Variants in PIK3C2A observed in about 807,000 individuals in gnomAD.
PIK3C2A encodes the protein phosphatidylinositol-4-phosphate 3-kinase catalytic subunit type 2 alpha.
PIK3C2A carries 97 observed loss-of-function variants against 204.5 expected under a neutral mutation model. That is an observed-to-expected ratio of 0.47 (90% CI 0.40 to 0.56). PIK3C2A has a LOEUF of 0.56. Among genes scored for constraint, PIK3C2A ranks in the 20% least tolerant of loss-of-function variants. The pLI is 0.00. For missense variants in PIK3C2A, 1,735 were observed against 1,969.2 expected (o/e 0.88, Z 2.25); for synonymous variants, 653 against 664.4 (o/e 0.98, Z 0.26).
At chr11:17,154,563 T>C (rs1475782630) in intron 3 of PIK3C2A, among the ~76,000 whole-genome samples, 2 of 152,224 alleles carry the variant, frequency 1.3e-5, no homozygotes, top group Admixed American at 6.5e-5. Flanking sequence ...TTCCCTTTTT[T>C]AGATAACAGA....
chr11:17,201,410 C>T (rs960977806), intron 1 of PIK3C2A, among the ~76,000 whole-genome samples: 1 of 150,920 alleles, frequency 6.6e-6, no homozygotes, highest in African/African-American at 2.4e-5. Context: ...GCCTGTAATC[C>T]CAGCTACTTG....
At chr11:17,115,629 A>G (rs1270242268) in intron 19 of PIK3C2A, 4 of 152,124 alleles carry the variant, frequency 2.6e-5, no homozygotes, top group Admixed American at 1.3e-4. Flanking sequence ...AAAAACCCAT[A>G]TATGTGGTCA....
intron 1 of PIK3C2A, among the ~76,000 whole-genome samples, chr11:17,178,679 C>T (rs995798672): frequency 8.7e-5 from 13 of 149,008 alleles, no homozygotes; most frequent in African/African-American, 3.0e-4. Context: ...GCTGGGATTA[C>T]AGGCGCTAGC....
intron 8 of PIK3C2A, chr11:17,141,226 C>T (rs1381597366): frequency 6.6e-6 from 1 of 151,680 alleles, no homozygotes; most frequent in Non-Finnish European, 1.5e-5. Flanking sequence ...AAAGCCCCAC[C>T]TTCTGCCTTT....
chr11:17,180,463 AT>A (rs1851499718), intron 1 of PIK3C2A, among the ~76,000 whole-genome samples: 1 of 151,978 alleles, frequency 6.6e-6, no homozygotes, highest in Admixed American at 6.6e-5. Flanking sequence ...CAAAGAGCTA[AT>A]CTTTCTAATA....
chr11:17,180,518 C>CCA (rs1555035613), intron 1 of PIK3C2A, among the ~76,000 whole-genome samples: 4 of 115,418 alleles, frequency 3.5e-5, no homozygotes, highest in Non-Finnish European at 7.2e-5. Flanking sequence ...ACAACAACAA[C>CCA]AACAAAAAAC....
intron 27 of PIK3C2A, among the ~76,000 whole-genome samples, chr11:17,094,918 G>A (rs1383137816): frequency 6.6e-6 from 1 of 152,086 alleles, no homozygotes; most frequent in African/African-American, 2.4e-5. Context: ...TACATTTTAA[G>A]AGTGATCATA....
At position 17,169,104 on chromosome 11, in the gene PIK3C2A, G is replaced by A. The variant is rs772021666; in HGVS notation, c.638C>T (p.Pro213Leu). 6 of 1,614,190 alleles carry A rather than the reference G, an allele frequency of 3.7e-6. No homozygotes were observed. The highest frequency in any genetic ancestry group is 5.1e-6 in the Non-Finnish European group (6 of 1,180,026). ...AGTACTGACTACTGGACGATAGATA[G>A]GTAAGCTTCCTTGTGGATGAAAGGG... ...ATPFHPQGSLPIYRPVVSTDM... is the reference protein window; with the variant it reads ...ATPFHPQGSLLIYRPVVSTDM... Residue 213 changes from proline (P) to leucine (L), a missense_variant, in exon 2 of 33, where the codon CCT (proline) becomes CTT (leucine). Transcript: ENST00000691414.
At chr11:17,178,109 A>G (rs980461096) in intron 1 of PIK3C2A, among the ~76,000 whole-genome samples, 155 of 70,924 alleles carry the variant, frequency 2.2e-3, no homozygotes, top group Middle Eastern at 6.4e-3. Flanking sequence ...AAAAAAAAAA[A>G]AAAGAAAAAA....
chr11:17,131,578 C>T lies in PIK3C2A; in HGVS notation c.2231+338G>A, dbSNP rs777848112. ...CTGGGACCACAGGCGCCCGCCACCA[C>T]GCCCGGCTAATTTTTTGTATTTTTA... On this transcript the variant is annotated intron_variant, in intron 12 of 32. Coordinates refer to ENST00000691414, the MANE Select transcript of PIK3C2A (RefSeq NM_002645.4). Among the ~76,000 whole-genome samples the T allele has an allele frequency of 8.6e-5, 13 of 152,002 alleles. No individual in the cohort carries two copies. The South Asian group carries it at 1.7e-3, about 19-fold the overall frequency.
chr11:17,181,675 CACACACACACACACACACAA>C (rs1851569988), intron 1 of PIK3C2A, among the ~76,000 whole-genome samples: 1 of 127,216 alleles, frequency 7.9e-6, no homozygotes, highest in Non-Finnish European at 1.8e-5. Context: ...CACACACACA[CACACACACACACACACACAA>C]ACACACACAC....
intron 1 of PIK3C2A, among the ~76,000 whole-genome samples, chr11:17,176,176 G>GT (rs796110331): frequency 1.9e-3 from 251 of 128,790 alleles, no homozygotes; most frequent in African/African-American, 6.5e-3. Context: ...GCTCATTTTT[G>GT]TTTTTTTTTT....
chr11:17,173,262 A>G (rs1292427491), intron 1 of PIK3C2A, among the ~76,000 whole-genome samples: 1 of 152,210 alleles, frequency 6.6e-6, no homozygotes, highest in East Asian at 1.9e-4. Flanking sequence ...GTTAATTAAA[A>G]TAGAACTGGC....
At chr11:17,105,833 G>GTGCACGCC (rs1217951278) in intron 22 of PIK3C2A, among the ~76,000 whole-genome samples, 20 of 152,208 alleles carry the variant, frequency 1.3e-4, no homozygotes, top group African/African-American at 4.8e-4. Flanking sequence ...GTCTGCCTGG[G>GTGCACGCC]TGCAGTGACT....
chr11:17,169,457 G>A lies in PIK3C2A; in HGVS notation c.285C>T (p.Leu95=), dbSNP rs1487834917. The change falls in exon 2 of 33, where the codon CTC becomes CTT. Residue 95 remains leucine (L), a synonymous_variant. Transcript: ENST00000691414. ...ATAGTTTCTCAAGTTCAGCTTGGGT[G>A]AGCTTTTCTACATCAATATCTAATG... ...KRALDIDVEK[L]TQAELEKLLL... 6.2e-7 allele frequency: 1 copy of A among 1,614,124 alleles called. No homozygotes were observed. Among genetic ancestry groups the A allele is most frequent in the Non-Finnish European group, 8.5e-7 (1 of 1,180,018 alleles).
At chr11:17,142,134 G>A (rs1346078520) in intron 8 of PIK3C2A, among the ~76,000 whole-genome samples, 4 of 152,042 alleles carry the variant, frequency 2.6e-5, no homozygotes, top group Non-Finnish European at 5.9e-5. Context: ...TAGATATGAT[G>A]GGTACTATAA....
chr11:17,177,713 G>C (rs1322427527), intron 1 of PIK3C2A, among the ~76,000 whole-genome samples: 1 of 152,150 alleles, frequency 6.6e-6, no homozygotes, highest in African/African-American at 2.4e-5. Flanking sequence ...TCTGGTGTTA[G>C]GAACTATAAA....
At chr11:17,156,934 G>A (rs1377018312) in intron 2 of PIK3C2A, among the ~76,000 whole-genome samples, 1 of 152,064 alleles carries the variant, frequency 6.6e-6, no homozygotes, top group Non-Finnish European at 1.5e-5. Flanking sequence ...GAGCCCAGAA[G>A]TTCGAGGCCA....
At chr11:17,207,158 G>C (rs1852609815) in intron 1 of PIK3C2A, among the ~76,000 whole-genome samples, 4 of 152,158 alleles carry the variant, frequency 2.6e-5, no homozygotes, top group African/African-American at 2.4e-5. Context: ...AGGAAAATAA[G>C]TATGTGCCTT....
Sources: gnomAD v4.1 joint callset for allele counts (sites outside exome capture counted in the v4.1 genomes callset) on GRCh38, gnomAD v4.1.1 for gene constraint, MANE v1.5 for transcripts, NCBI Gene and HGNC (gene_info 2026-07-23, HGNC 2026-07-21) for gene names.